The following PLEKHG1 variants were observed in gnomAD, a reference collection of about 807,000 sequenced individuals.
PLEKHG1 encodes pleckstrin homology domain-containing family G member 1.
In PLEKHG1, 44 loss-of-function variants were observed where a neutral mutation model predicts 100.8. The ratio of observed to expected loss-of-function variants is 0.44; its 90% confidence interval spans 0.34 to 0.56. PLEKHG1 has a LOEUF of 0.56. Ranked by LOEUF, PLEKHG1 falls within the 20% of genes least tolerant of loss-of-function variation. The pLI is 0.01. For missense variants in PLEKHG1, 1,545 were observed against 1,720.9 expected, an observed-to-expected ratio of 0.90 and a Z score of 1.81; for synonymous variants, 640 against 662.5, an observed-to-expected ratio of 0.97 and a Z score of 0.52.
chr6:150,754,331 G>A (rs1337622503), intron 2 of PLEKHG1, among the ~76,000 whole-genome samples: 2 of 152,180 alleles, frequency 1.3e-5, no homozygotes, highest in African/African-American at 4.8e-5. Flanking sequence ...GAGCAAGACA[G>A]TGGTCAAAGA....
chr6:150,655,585 G>A (rs1253751807), intron 3 of PLEKHG1, among the ~76,000 whole-genome samples: 1 of 151,764 alleles, frequency 6.6e-6, no homozygotes, highest in Non-Finnish European at 1.5e-5. Flanking sequence ...GCGGGCGCCT[G>A]TAGTCTCAGC....
chr6:150,603,038 C>A (rs1202848465), intron 1 of PLEKHG1, among the ~76,000 whole-genome samples: 1 of 136,802 alleles, frequency 7.3e-6, no homozygotes, highest in Non-Finnish European at 1.5e-5. Flanking sequence ...GCCGAGATCG[C>A]GCCACTGCAC....
intron 3 of PLEKHG1, among the ~76,000 whole-genome samples, chr6:150,659,818 G>A (rs966977308): frequency 6.6e-6 from 1 of 152,078 alleles, no homozygotes; most frequent in Non-Finnish European, 1.5e-5. Context: ...ATACGTACTT[G>A]GTTGCTTTTC....
At chr6:150,729,733 C>T (rs73608793) in intron 1 of PLEKHG1, among the ~76,000 whole-genome samples, 26,165 of 152,068 alleles carry the variant, frequency 0.17, 3,383 homozygotes, top group African/African-American at 0.36. Flanking sequence ...CTACGGACAC[C>T]AAACTTCTGA....
chr6:150,701,427 A>ATATATG (rs1780772910), intron 3 of PLEKHG1, among the ~76,000 whole-genome samples: 1 of 40,278 alleles, frequency 2.5e-5, no homozygotes, highest in Non-Finnish European at 4.3e-5. Flanking sequence ...TTATATATAT[A>ATATATG]TATATATATA....
intron 3 of PLEKHG1, among the ~76,000 whole-genome samples, chr6:150,651,567 TCA>T (rs1290115425): frequency 6.6e-6 from 1 of 152,100 alleles, no homozygotes; most frequent in Non-Finnish European, 1.5e-5. Flanking sequence ...AAAACTATTC[TCA>T]GTCTTTAGAC....
intron 3 of PLEKHG1, among the ~76,000 whole-genome samples, chr6:150,693,897 A>T (rs144328073): frequency 7.2e-5 from 11 of 152,362 alleles, no homozygotes; most frequent in Admixed American, 6.5e-4. Flanking sequence ...CAAAAGATGC[A>T]AACAGCGCTT....
intron 2 of PLEKHG1, among the ~76,000 whole-genome samples, chr6:150,642,697 A>G (rs1778322682): frequency 6.6e-6 from 1 of 152,224 alleles, no homozygotes; most frequent in African/African-American, 2.4e-5. Flanking sequence ...CTGCACTGGT[A>G]TGCTGTTGGT....
Position 150,600,655 on chromosome 6 carries a change from A to G in PLEKHG1, c.-204+638A>G, listed in dbSNP as rs1776309784. On this transcript the variant is annotated intron_variant, in intron 1 of 3. Coordinates refer to the PLEKHG1 transcript ENST00000367326. This position sits in a 1 kb window ranked among gnomAD's most constrained non-coding sequence, Gnocchi z 6.2. ...CTCTTCCGTCACGGGGTAAACGGTA[A>G]CACCTGGGCGGCCGCGACTCTGCGA... Among the ~76,000 whole-genome samples, 2 of 152,126 alleles carry G rather than the reference A, an allele frequency of 1.3e-5. No homozygotes were observed. The highest frequency in any genetic ancestry group is 4.1e-4 in the South Asian group (2 of 4,820).
At chr6:150,655,049 T>A (rs1778911044) in intron 3 of PLEKHG1, among the ~76,000 whole-genome samples, 1 of 152,224 alleles carries the variant, frequency 6.6e-6, no homozygotes, top group South Asian at 2.1e-4. Context: ...ACAAACCAAA[T>A]ATAGAAGTTA....
chr6:150,811,635 TAAAA>T (rs55740953), intron 10 of PLEKHG1, among the ~76,000 whole-genome samples: 13 of 139,502 alleles, frequency 9.3e-5, no homozygotes, highest in Admixed American at 1.4e-4. Context: ...AGACCTGCAT[TAAAA>T]AAAAAAAAAA....
At chr6:150,725,530 A>G (rs1781917871) in intron 1 of PLEKHG1, among the ~76,000 whole-genome samples, 1 of 152,154 alleles carries the variant, frequency 6.6e-6, no homozygotes, top group South Asian at 2.1e-4. Context: ...TCTTGTACAA[A>G]TATGTGCTTT....
chr6:150,828,383 G>A (rs2128685577), intron 14 of PLEKHG1: 1 of 1,608,442 alleles, frequency 6.2e-7, no homozygotes, highest in Middle Eastern at 1.7e-4. Flanking sequence ...AAGGGTGACT[G>A]AGGCTACAGC....
chr6:150,794,881 A>G (rs1248328074), intron 4 of PLEKHG1, among the ~76,000 whole-genome samples: 4 of 152,144 alleles, frequency 2.6e-5, no homozygotes, highest in African/African-American at 9.7e-5. Context: ...CCATTTTAAA[A>G]AAAAGTTTAA....
intron 2 of PLEKHG1, among the ~76,000 whole-genome samples, chr6:150,751,861 G>A (rs1187661556): frequency 6.6e-6 from 1 of 152,160 alleles, no homozygotes; most frequent in East Asian, 1.9e-4. Flanking sequence ...AAATAGCAAG[G>A]GAAATTTGTA....
chr6:150,760,893 T>C (rs1784117702), intron 2 of PLEKHG1, among the ~76,000 whole-genome samples: 1 of 152,118 alleles, frequency 6.6e-6, no homozygotes, highest in Non-Finnish European at 1.5e-5. Flanking sequence ...TACGTTATTA[T>C]TGTAAAAAGG....
intron 1 of PLEKHG1, among the ~76,000 whole-genome samples, chr6:150,623,319 G>A (rs1777382636): frequency 6.6e-6 from 1 of 152,202 alleles, no homozygotes; most frequent in African/African-American, 2.4e-5. Flanking sequence ...GGTTTTGTGA[G>A]AGCTTGGCTG....
chr6:150,654,100 A>C (rs1367532990), intron 3 of PLEKHG1, among the ~76,000 whole-genome samples: 1 of 152,128 alleles, frequency 6.6e-6, no homozygotes, highest in Non-Finnish European at 1.5e-5. Flanking sequence ...TGGTTATTTG[A>C]TGGAAGGGCA....
chr6:150,714,959 C>T (rs1196221443), intron 3 of PLEKHG1, among the ~76,000 whole-genome samples: 1 of 151,958 alleles, frequency 6.6e-6, no homozygotes, highest in Admixed American at 6.6e-5. Flanking sequence ...CAGGCGTGCA[C>T]CACCATTGCC....
Sources: gnomAD v4.1 joint callset for allele counts (sites outside exome capture counted in the v4.1 genomes callset) on GRCh38, gnomAD v4.1.1 for gene constraint, Gnocchi (gnomAD v3.1) non-coding constraint, MANE v1.5 for transcripts, NCBI Gene and HGNC (gene_info 2026-07-23, HGNC 2026-07-21) for gene names.